GPM6A: variants seen among roughly 807,000 people sequenced by gnomAD.
The protein encoded by GPM6A is neuronal membrane glycoprotein M6-a.
GPM6A carries 7 observed loss-of-function variants against 32.1 expected under a neutral mutation model. The ratio of observed to expected loss-of-function variants is 0.22; its 90% CI spans 0.12 to 0.41. The LOEUF (loss-of-function observed/expected upper bound fraction) is 0.41. Among genes scored for constraint, GPM6A ranks in the 10% least tolerant of loss-of-function variants. The pLI is 1.00. For synonymous variants in GPM6A, 130 were observed against 123.4 expected (o/e 1.05, Z -0.35); for missense variants, 235 against 347.2 (o/e 0.68, Z 2.57).
intron 1 of GPM6A, among the ~76,000 whole-genome samples, chr4:175,807,827 G>A (rs1734755237): frequency 6.6e-6 from 1 of 152,092 alleles, no homozygotes; most frequent in Non-Finnish European, 1.5e-5. Flanking sequence ...CTAGTGTAGA[G>A]AGTGGGGTTG....
At position 175,846,070 on chromosome 4, in the gene GPM6A, G is replaced by A. The variant is rs560766664; in HGVS notation, c.-22-33821C>T. ...TTCATAACACCCTCCACCCCCATAA[G>A]AATTGTTCTTTTCAAGCCCTAATGT... is the stretch of plus-strand genomic sequence containing the variant. On this transcript the variant is annotated intron_variant, in intron 1 of 7. Transcript: ENST00000280187. Among the ~76,000 whole-genome samples the A allele has an allele frequency of 5.7e-4, 87 of 151,996 alleles. 1 individual carries two copies. The highest frequency in any genetic ancestry group is 2.0e-3 in the African/African-American group (84 of 41,500).
chr4:175,929,218 A>G (rs887600630), intron 1 of GPM6A, among the ~76,000 whole-genome samples: 1 of 152,210 alleles, frequency 6.6e-6, no homozygotes, highest in Non-Finnish European at 1.5e-5. Flanking sequence ...TTAGAACTCT[A>G]ATTACTTTTT....
intron 1 of GPM6A, among the ~76,000 whole-genome samples, chr4:175,869,430 T>C (rs1736834664): frequency 6.6e-6 from 1 of 152,058 alleles, no homozygotes; most frequent in Non-Finnish European, 1.5e-5. Flanking sequence ...GTTAATCACT[T>C]ACAGATATAT....
chr4:175,817,100 C>T (rs1735129398), upstream of GPM6A, among the ~76,000 whole-genome samples: 2 of 152,124 alleles, frequency 1.3e-5, no homozygotes, highest in African/African-American at 4.8e-5. Context: ...CTTCGTGATC[C>T]GCCCGCCTCG....
At chr4:175,976,939 A>G (rs1477361803) in intron 1 of GPM6A, among the ~76,000 whole-genome samples, 1 of 152,234 alleles carries the variant, frequency 6.6e-6, no homozygotes, top group Non-Finnish European at 1.5e-5. Context: ...GCATTCCATA[A>G]TGGTGTTGGA....
At chr4:175,943,979 G>T (rs1739507010) in intron 1 of GPM6A, among the ~76,000 whole-genome samples, 1 of 152,102 alleles carries the variant, frequency 6.6e-6, no homozygotes, top group South Asian at 2.1e-4. Context: ...TTGTACCTCT[G>T]GTAGAATTCG....
intron 1 of GPM6A, among the ~76,000 whole-genome samples, chr4:175,948,142 T>G (rs1186724675): frequency 6.6e-6 from 1 of 152,122 alleles, no homozygotes; most frequent in Non-Finnish European, 1.5e-5. Context: ...AGAGGACATG[T>G]TTTTGTGATT....
intron 1 of GPM6A, among the ~76,000 whole-genome samples, chr4:175,882,977 A>C (rs1737330114): frequency 6.6e-6 from 1 of 152,116 alleles, no homozygotes; most frequent in Non-Finnish European, 1.5e-5. Flanking sequence ...AATTTTTAAA[A>C]CTCATGAAAT....
At chr4:175,826,593 G>T (rs1735447088) in intron 1 of GPM6A, among the ~76,000 whole-genome samples, 1 of 152,186 alleles carries the variant, frequency 6.6e-6, no homozygotes, top group Non-Finnish European at 1.5e-5. Context: ...AGAAGAGGGT[G>T]CTAATAATCA....
chr4:175,971,501 A>G (rs981447856), intron 1 of GPM6A, among the ~76,000 whole-genome samples: 1 of 152,178 alleles, frequency 6.6e-6, no homozygotes, highest in Non-Finnish European at 1.5e-5. Context: ...ATTCAACAGA[A>G]TGACATCCAG....
chr4:175,911,095 G>T (rs1463094367), intron 1 of GPM6A, among the ~76,000 whole-genome samples: 2 of 152,014 alleles, frequency 1.3e-5, no homozygotes, highest in Non-Finnish European at 2.9e-5. Context: ...CAAATCTTGG[G>T]CTGCCTAGGC....
At chr4:175,714,160 A>T (rs1319250127) in intron 1 of GPM6A, among the ~76,000 whole-genome samples, 3 of 152,180 alleles carry the variant, frequency 2.0e-5, no homozygotes, top group Admixed American at 6.5e-5. Context: ...ATACTACAAG[A>T]TATGCAAGCC....
intron 3 of GPM6A, among the ~76,000 whole-genome samples, chr4:175,672,304 C>T (rs950594413): frequency 6.6e-6 from 1 of 152,132 alleles, no homozygotes; most frequent in African/African-American, 2.4e-5. Flanking sequence ...CTGGAATAAG[C>T]TTTAGAAATG....
chr4:175,795,924 C>T (rs1734208688), intron 1 of GPM6A: 1 of 152,362 alleles, frequency 6.6e-6, no homozygotes, highest in African/African-American at 2.4e-5. Flanking sequence ...TGCAGCATCA[C>T]TTGAGTGAGC....
chr4:175,850,461 AAAAT>A (rs1205578316), intron 1 of GPM6A, among the ~76,000 whole-genome samples: 1 of 152,014 alleles, frequency 6.6e-6, no homozygotes, highest in Non-Finnish European at 1.5e-5. Context: ...AGGAAAAACA[AAAAT>A]AAGACCACAA....
At position 175,719,545 on chromosome 4, in the gene GPM6A, A is replaced by G. The variant is rs1438919338; in HGVS notation, c.38-17778T>C. Among the ~76,000 whole-genome samples, 8 of 152,304 alleles carry G rather than the reference A, an allele frequency of 5.3e-5. No individual in the cohort carries two copies. The East Asian group carries it at 1.4e-3, about 26-fold the overall frequency. On this transcript the variant is annotated intron_variant, in intron 1 of 6. Coordinates refer to ENST00000393658, the MANE Select transcript of GPM6A (RefSeq NM_201591.3). The stretch of plus-strand genomic sequence containing the variant: ...CAAATTCTCTCCTGATAATCACAGT[A>G]TGCCGTTTTGTATCATAAACATTAG...
intron 1 of GPM6A, among the ~76,000 whole-genome samples, chr4:175,758,182 G>A (rs1369277275): frequency 6.6e-6 from 1 of 152,118 alleles, no homozygotes; most frequent in Non-Finnish European, 1.5e-5. Context: ...AAGAGTTACT[G>A]TAAGAATTAA....
intron 1 of GPM6A, among the ~76,000 whole-genome samples, chr4:175,710,865 A>G (rs1423171692): frequency 6.6e-6 from 1 of 152,012 alleles, no homozygotes; most frequent in Non-Finnish European, 1.5e-5. Flanking sequence ...CCTGACCCTT[A>G]TGCTGTGTGT....
At chr4:175,918,750 T>G (rs1738576060) in intron 1 of GPM6A, among the ~76,000 whole-genome samples, 1 of 152,160 alleles carries the variant, frequency 6.6e-6, no homozygotes, top group South Asian at 2.1e-4. Flanking sequence ...GTGTCTGAAA[T>G]GCAGAAATGT....
Sources: gnomAD v4.1 joint callset for allele counts (sites outside exome capture counted in the v4.1 genomes callset) on GRCh38, gnomAD v4.1.1 for gene constraint, MANE v1.5 for transcripts, NCBI Gene and HGNC (gene_info 2026-07-23, HGNC 2026-07-21) for gene names.